ROBO2: variants seen among roughly 807,000 people sequenced by gnomAD.
The protein encoded by ROBO2 is roundabout guidance receptor 2.
Under a neutral mutation model 160.8 loss-of-function variants are expected in ROBO2, and 53 were observed. The observed-to-expected ratio is 0.33, with a 90% confidence interval of 0.26 to 0.41. The LOEUF is 0.41. Among genes scored for constraint, ROBO2 ranks in the 10% least tolerant of loss-of-function variants. The pLI is 1.00. For missense variants in ROBO2, 1,577 were observed against 1,722.4 expected (o/e 0.92, Z 1.49); for synonymous variants, 664 against 611.7 (o/e 1.09, Z -1.26).
chr3:77,534,185 T>C (rs796412896), intron 6 of ROBO2, among the ~76,000 whole-genome samples: 46 of 152,244 alleles, frequency 3.0e-4, no homozygotes, highest in African/African-American at 1.1e-3. Context: ...AGTAGTTTTT[T>C]CTTATTATTC....
rs561699596 is a variant in ROBO2, at chr3:76,246,933, A to AT, written c.109+309337dup. ...AAAATTGATGACCCTGGAAATTCTT[A>AT]TTTTTTCCATCTTAGTTGTAAATTA... On this transcript the variant is annotated intron_variant, in intron 2 of 26. Coordinates refer to the ROBO2 transcript ENST00000487694. Among the ~76,000 whole-genome samples, 241 of 152,164 alleles carry AT rather than the reference A, an allele frequency of 1.6e-3. 1 individual carries two copies. Among genetic ancestry groups the AT allele is most frequent in the African/African-American group, 5.1e-3 (211 of 41,538 alleles).
In ROBO2 at chr3:76,717,861, T is replaced by C. The variant is rs550298735; in HGVS notation, c.110-380153T>C. Among the ~76,000 whole-genome samples, 19 of 151,326 alleles carry C rather than the reference T, an allele frequency of 1.3e-4. No homozygotes were observed. The South Asian group carries it at 3.7e-3, about 30-fold the overall frequency. ...ACACAGAGGATCACAAAATTATTTT[T>C]TAATCTCCCACCACAATGATTTCAA... On this transcript the variant is annotated intron_variant, in intron 2 of 26. Coordinates refer to the ROBO2 transcript ENST00000487694.
chr3:76,151,767 C>A (rs1049903297), intron 2 of ROBO2, among the ~76,000 whole-genome samples: 1 of 152,100 alleles, frequency 6.6e-6, no homozygotes, highest in African/African-American at 2.4e-5. Context: ...GGGGACAAAA[C>A]CTTTCCTGAT....
rs1038514760 is a variant in ROBO2 at position 76,850,666 on chromosome 3, C to G, written c.110-247348C>G. On this transcript the variant is annotated intron_variant, in intron 2 of 26. Transcript: ENST00000487694. ...CTCCTACCAATGATCTCCACACTTCCCAAAGACACCAGCTGTATTTGAATC... is the reference window on the plus strand; with the variant it reads ...CTCCTACCAATGATCTCCACACTTCGCAAAGACACCAGCTGTATTTGAATC... 6.6e-5 allele frequency among the ~76,000 whole-genome samples: 10 copies of G among 152,054 alleles called. 1 individual carries two copies. Among genetic ancestry groups the G allele is most frequent in the African/African-American group, 2.4e-4 (10 of 41,408 alleles).
At chr3:75,948,249 T>C (rs1211726836) in intron 2 of ROBO2, among the ~76,000 whole-genome samples, 10 of 152,104 alleles carry the variant, frequency 6.6e-5, no homozygotes, top group Non-Finnish European at 4.4e-5. Flanking sequence ...TTTTTGGTTT[T>C]TGTTTTATTT....
At chr3:75,948,162 A>G (rs1410957416) in intron 2 of ROBO2, among the ~76,000 whole-genome samples, 1 of 152,118 alleles carries the variant, frequency 6.6e-6, no homozygotes, top group Non-Finnish European at 1.5e-5. Context: ...ATAAGGATCT[A>G]GCTGTTGTGT....
intron 2 of ROBO2, among the ~76,000 whole-genome samples, chr3:76,892,804 T>G (rs2074451492): frequency 6.6e-6 from 1 of 152,222 alleles, no homozygotes. Flanking sequence ...ACTTTCTCTC[T>G]TCCCAAGATG....
chr3:76,414,312 A>G (rs1450524199), intron 2 of ROBO2, among the ~76,000 whole-genome samples: 3 of 152,162 alleles, frequency 2.0e-5, no homozygotes, highest in Non-Finnish European at 4.4e-5. Flanking sequence ...TTATAAAATT[A>G]ACACTCAACT....
rs773520118 is a variant in ROBO2 at position 77,579,904 on chromosome 3, G to A, written c.2329-43G>A. Reference sequence around the variant, plus strand: ...TTACAGTAGTCTCGTTACCAGAAACGATAATCTTATATCCATGTGTTATTC... The same window carrying A: ...TTACAGTAGTCTCGTTACCAGAAACAATAATCTTATATCCATGTGTTATTC... On this transcript the variant is annotated intron_variant, in intron 15 of 25. Transcript: ENST00000461745. 4.5e-6 allele frequency: 7 copies of A among 1,553,950 alleles called. No individual in the cohort carries two copies. In the Admixed American group the frequency reaches 6.7e-5, roughly 15 times the overall value.
At chr3:76,389,574 T>C (rs2077051578) in intron 2 of ROBO2, among the ~76,000 whole-genome samples, 1 of 152,252 alleles carries the variant, frequency 6.6e-6, no homozygotes, top group African/African-American at 2.4e-5. Flanking sequence ...CTATGTGCTC[T>C]GTACTGATAA....
chr3:76,506,177 C>G (rs1577720029), intron 2 of ROBO2, among the ~76,000 whole-genome samples: 1 of 152,274 alleles, frequency 6.6e-6, no homozygotes, highest in Non-Finnish European at 1.5e-5. Flanking sequence ...TTCAGCTGGG[C>G]ACACATATCT....
intron 2 of ROBO2, among the ~76,000 whole-genome samples, chr3:76,825,001 C>A (rs891145550): frequency 2.0e-5 from 3 of 152,198 alleles, no homozygotes; most frequent in Non-Finnish European, 2.9e-5. Context: ...TATTAGGAAG[C>A]TTCTCAACTT....
intron 2 of ROBO2, among the ~76,000 whole-genome samples, chr3:77,264,733 G>A (rs1333747928): frequency 6.6e-6 from 1 of 152,000 alleles, no homozygotes; most frequent in Non-Finnish European, 1.5e-5. Context: ...ATAGTAAGAT[G>A]GAGGCATTTC....
chr3:76,597,316 A>G (rs1487990997), intron 2 of ROBO2, among the ~76,000 whole-genome samples: 1 of 152,104 alleles, frequency 6.6e-6, no homozygotes, highest in Non-Finnish European at 1.5e-5. Context: ...AGAGGATGAA[A>G]AGAAAAGCCA....
chr3:76,577,536 T>C (rs73129183), intron 2 of ROBO2, among the ~76,000 whole-genome samples: 4,232 of 152,240 alleles, frequency 0.028, 81 homozygotes, highest in South Asian at 0.051. Context: ...ATTAACACTG[T>C]TGAGTTGTTA....
At chr3:76,006,591 C>A (rs928225616) in intron 2 of ROBO2, among the ~76,000 whole-genome samples, 1 of 152,080 alleles carries the variant, frequency 6.6e-6, no homozygotes, top group Non-Finnish European at 1.5e-5. Flanking sequence ...TTTATTACAT[C>A]TGTGACTTTT....
At chr3:76,567,654 C>CACACATACAT (rs2084647591) in intron 2 of ROBO2, among the ~76,000 whole-genome samples, 1 of 41,638 alleles carries the variant, frequency 2.4e-5, no homozygotes, top group African/African-American at 8.1e-5. Flanking sequence ...TATATATATA[C>CACACATACAT]ACATACACAT....
At chr3:76,800,637 A>T (rs1297086905) in intron 2 of ROBO2, among the ~76,000 whole-genome samples, 1 of 152,146 alleles carries the variant, frequency 6.6e-6, no homozygotes, top group Non-Finnish European at 1.5e-5. Context: ...AAGATTATTG[A>T]TCATCAGAGA....
chr3:76,114,489 T>C (rs2070375277), intron 2 of ROBO2, among the ~76,000 whole-genome samples: 1 of 152,140 alleles, frequency 6.6e-6, no homozygotes, highest in South Asian at 2.1e-4. Flanking sequence ...CTGCCTAGAA[T>C]GTCAATATTA....
Sources: allele counts gnomAD v4.1 joint callset (sites outside exome capture counted in the v4.1 genomes callset), GRCh38; gene constraint gnomAD v4.1.1; transcripts MANE v1.5; gene names NCBI Gene and HGNC (gene_info 2026-07-23, HGNC 2026-07-21).